The following GIT2 variants were observed in gnomAD, a reference collection of about 807,000 sequenced individuals.
The protein encoded by GIT2 is ARF GTPase-activating protein GIT2.
In GIT2, 32 loss-of-function variants were observed where a neutral mutation model predicts 100.3. The observed-to-expected ratio is 0.32, with a 90% CI of 0.24 to 0.43. GIT2 has a LOEUF of 0.43. Ranked by LOEUF, GIT2 falls within the 20% of genes least tolerant of loss-of-function variation. The probability of loss-of-function intolerance (pLI) is 1.00; values close to 1 mark genes in which losing one functional copy is unlikely to be tolerated. For missense variants in GIT2, 737 were observed against 975.1 expected, an observed-to-expected ratio of 0.76 and a Z score of 3.25; for synonymous variants, 353 against 364.1, an observed-to-expected ratio of 0.97 and a Z score of 0.35.
In GIT2 at chr12:109,933,932, C is replaced by T. The variant is rs865867657; in HGVS notation, c.2067+90G>A. On this transcript the variant is annotated intron_variant, in intron 19 of 19. Transcript: ENST00000355312. The surrounding 1 kb of genome is among the most constrained non-coding windows in gnomAD (Gnocchi z 4.5). The stretch of plus-strand genomic sequence containing the variant: ...GCATATTTTAAAACTGCATGTGCTA[C>T]AAAAAAGCTAATGTAATATATAGGT... 1.2e-6 allele frequency: 1 copy of T among 803,048 alleles called. No homozygotes were observed. Among genetic ancestry groups the T allele is most frequent in the Middle Eastern group, 2.2e-4 (1 of 4,488 alleles). 49.7% of individuals were successfully genotyped at this position (803,048 alleles called of 1,614,324 possible). A position where few individuals can be genotyped will look rare whatever the true frequency, so the allele number is the denominator to read the frequency against.
At chr12:109,964,734 C>T (rs1427544391) in intron 9 of GIT2, among the ~76,000 whole-genome samples, 2 of 151,266 alleles carry the variant, frequency 1.3e-5, no homozygotes, top group Non-Finnish European at 2.9e-5. Flanking sequence ...GATGCCCTTA[C>T]AGGTTACAAA....
intron 13 of GIT2, chr12:109,952,468 C>G (rs1878164707): frequency 1.9e-6 from 1 of 518,698 alleles, no homozygotes; most frequent in South Asian, 1.4e-5. Flanking sequence ...ATCCTGGGCT[C>G]TGCACTGCCT....
At chr12:109,960,652 A>G (rs1192512261) in intron 11 of GIT2, among the ~76,000 whole-genome samples, 1 of 152,228 alleles carries the variant, frequency 6.6e-6, no homozygotes, top group Non-Finnish European at 1.5e-5. Flanking sequence ...ATAGCTGCTA[A>G]TTATAAAGAC....
In GIT2 at chr12:109,933,518, G is replaced by A. The variant is rs1363895654; in HGVS notation, c.2068-328C>T. The stretch of plus-strand genomic sequence containing the variant: ...AATTTTAAAATGTGCCTTTTAGCAC[G>A]ACTTGTATATCCTTGTCTTATTAAA... On this transcript the variant is annotated intron_variant, in intron 19 of 19. Coordinates refer to ENST00000355312, the MANE Select transcript of GIT2 (RefSeq NM_057169.5). This position sits in a 1 kb window ranked among gnomAD's most constrained non-coding sequence, Gnocchi z 4.5. The A allele has an allele frequency of 1.1e-5, 3 of 267,190 alleles. No individual in the cohort carries two copies. Among genetic ancestry groups the A allele is most frequent in the East Asian group, 7.9e-5 (1 of 12,722 alleles). The allele number at this position is 267,190 out of a possible 1,614,324, so 16.6% of individuals were successfully genotyped here. A position where few individuals can be genotyped will look rare whatever the true frequency, so the allele number is the denominator to read the frequency against.
intron 7 of GIT2, among the ~76,000 whole-genome samples, chr12:109,978,539 A>C (rs1593112446): frequency 6.6e-6 from 1 of 151,504 alleles, no homozygotes. Flanking sequence ...TTTTCTTCCT[A>C]CTCTTTTTTC....
chr12:109,987,543 T>C (rs934562130), intron 4 of GIT2, among the ~76,000 whole-genome samples: 9 of 152,048 alleles, frequency 5.9e-5, no homozygotes, highest in African/African-American at 2.2e-4. Context: ...CTCAGCTCAC[T>C]GCAACCTCCA....
At chr12:109,955,462 G>A (rs1191785084) in intron 12 of GIT2, among the ~76,000 whole-genome samples, 1 of 152,026 alleles carries the variant, frequency 6.6e-6, no homozygotes, top group Admixed American at 6.6e-5. Flanking sequence ...GCTGTGACTT[G>A]GCCAATATTA....
In GIT2 at chr12:109,929,897, T is replaced by G. The variant is rs965090598; in HGVS notation, c.*3081A>C. ...GGGCACAATAATTACAGGAATAGAA[T>G]GTACAATAAAAAGTACAGAATAATG... On this transcript the variant is annotated 3_prime_UTR_variant, in exon 20 of 20. Coordinates refer to ENST00000355312, the MANE Select transcript of GIT2 (RefSeq NM_057169.5). 6.6e-6 allele frequency: 1 copy of G among 152,632 alleles called. No homozygotes were observed. The highest frequency in any genetic ancestry group is 1.5e-5 in the Non-Finnish European group (1 of 68,034). The allele number at this position is 152,632 out of a possible 1,614,324, so 9.5% of individuals were successfully genotyped here.
At position 109,932,937 on chromosome 12, in the gene GIT2, T is replaced by C. The variant is rs775879536; in HGVS notation, c.*41A>G. The C allele has an allele frequency of 1.9e-5, 22 of 1,146,792 alleles. No homozygotes were observed. In the African/African-American group the frequency reaches 2.7e-4, roughly 14 times the overall value. 71.0% of individuals were successfully genotyped at this position (1,146,792 alleles called of 1,614,324 possible). ...TGCGTCTGAATTTGAAATTGGACTTTATAAAGCCTAGAAAACAGAGGAGGC... is the reference window on the plus strand; with the variant it reads ...TGCGTCTGAATTTGAAATTGGACTTCATAAAGCCTAGAAAACAGAGGAGGC... On this transcript the variant is annotated 3_prime_UTR_variant, in exon 20 of 20. Transcript: ENST00000355312.
At position 109,951,263 on chromosome 12, in the gene GIT2, C is replaced by T; in HGVS notation, c.1296G>A (p.Glu432=). Reference sequence around the variant, plus strand: ...CAGAAGCCACTAGAGCGTTTTTGACCTCCATAAATTCCTGTACAGTGACTG... The same window carrying T: ...CAGAAGCCACTAGAGCGTTTTTGACTTCCATAAATTCCTGTACAGTGACTG... The part of the protein sequence containing the change: ...DGPVTVQEFM[E]VKNALVASEA... The change falls in exon 14 of 20, where the codon GAG becomes GAA. Residue 432 remains glutamate, a synonymous_variant. Transcript: ENST00000355312. 6.2e-7 allele frequency: 1 copy of T among 1,611,350 alleles called. No individual in the cohort carries two copies. Among genetic ancestry groups the T allele is most frequent in the Non-Finnish European group, 8.5e-7 (1 of 1,177,480 alleles).
At chr12:109,944,233 G>A (rs1293808286) in intron 16 of GIT2, among the ~76,000 whole-genome samples, 1 of 152,204 alleles carries the variant, frequency 6.6e-6, no homozygotes, top group Non-Finnish European at 1.5e-5. Flanking sequence ...TAATCCATAT[G>A]CCACTGGAAC....
chr12:109,953,989 G>A (rs928172042), intron 12 of GIT2: 1 of 152,218 alleles, frequency 6.6e-6, no homozygotes, highest in African/African-American at 2.4e-5. Flanking sequence ...TTGTTAAACT[G>A]GAGCCAGAAC....
chr12:109,991,754 G>A lies in GIT2; in HGVS notation c.59C>T (p.Ser20Phe). The change falls in exon 2 of 20, where the codon TCC becomes TTC. Residue 20 changes from serine to phenylalanine, a missense_variant. Ser to Phe is a radical substitution (Grantham distance 155). Coordinates refer to ENST00000355312, the MANE Select transcript of GIT2 (RefSeq NM_057169.5). ...CGTTCCCCTATTTACTGATGCCCAG[G>A]AAGGATCTGGAAAGAGAGTGAAATC... is the stretch of plus-strand genomic sequence containing the variant. ...VCADCSGPDP[S>F]WASVNRGTFL... is the part of the protein sequence containing the mutation. 2.5e-6 allele frequency: 4 copies of A among 1,612,244 alleles called. No homozygotes were observed. Among genetic ancestry groups the A allele is most frequent in the Non-Finnish European group, 3.4e-6 (4 of 1,178,992 alleles).
chr12:109,947,532 G>GT lies in GIT2; in HGVS notation c.1393-29dup. The GT allele has an allele frequency of 6.3e-7, 1 of 1,599,494 alleles. No individual in the cohort carries two copies. Among genetic ancestry groups the GT allele is most frequent in the East Asian group, 2.2e-5 (1 of 44,624 alleles). On this transcript the variant is annotated intron_variant, in intron 14 of 19. Transcript: ENST00000355312. The surrounding 1 kb of genome is among the most constrained non-coding windows in gnomAD (Gnocchi z 4.3). ...GAAAGAAATGTTTGGCAGTGGGACT[G>GT]TGTTTTTTTACAGCAAGCAGAAAAA...
intron 4 of GIT2, among the ~76,000 whole-genome samples, chr12:109,988,029 T>A (rs949906846): frequency 6.6e-6 from 1 of 152,210 alleles, no homozygotes; most frequent in African/African-American, 2.4e-5. Context: ...CCCCTTCCTT[T>A]AGTACTTTTT....
chr12:109,999,571 G>A, upstream of GIT2: 1 of 749,724 alleles, frequency 1.3e-6, no homozygotes, highest in Non-Finnish European at 1.9e-6. The surrounding 1 kb of genome is among the most constrained non-coding windows in gnomAD (Gnocchi z 4.3). Context: ...GGCCGGCAGC[G>A]TAACACGCCC....
intron 1 of GIT2, among the ~76,000 whole-genome samples, chr12:109,992,790 G>A (rs1391839667): frequency 2.0e-5 from 3 of 152,102 alleles, no homozygotes; most frequent in Non-Finnish European, 4.4e-5. Flanking sequence ...TCCTGCCTCA[G>A]CCTCCCGAGT....
At chr12:109,997,854 G>GA (rs1889669560), upstream of GIT2, 1 of 152,230 alleles carries the variant, frequency 6.6e-6, no homozygotes, top group South Asian at 2.1e-4. Context: ...TAAACACAAT[G>GA]AAATGAGGTA....
chr12:109,933,561 C>G lies in GIT2; in HGVS notation c.2068-371G>C, dbSNP rs1872113285. ...TTATTAAATCAACATTCATGCAGAA[C>G]AAAAATATTTCAAAGCTCTATACGA... On this transcript the variant is annotated intron_variant, in intron 19 of 19. Coordinates refer to ENST00000355312, the MANE Select transcript of GIT2 (RefSeq NM_057169.5). The surrounding 1 kb of genome is among the most constrained non-coding windows in gnomAD (Gnocchi z 4.5). 1 of 219,064 alleles carries G rather than the reference C, an allele frequency of 4.6e-6. No homozygotes were observed. Among genetic ancestry groups the G allele is most frequent in the Non-Finnish European group, 9.1e-6 (1 of 109,686 alleles). The allele number at this position is 219,064 out of a possible 1,614,324, so 13.6% of individuals were successfully genotyped here. A position where few individuals can be genotyped will look rare whatever the true frequency, so the allele number is the denominator to read the frequency against.
Sources: allele counts gnomAD v4.1 joint callset (sites outside exome capture counted in the v4.1 genomes callset), GRCh38; gene constraint gnomAD v4.1.1; non-coding constraint Gnocchi (gnomAD v3.1); transcripts MANE v1.5; gene names NCBI Gene and HGNC (gene_info 2026-07-23, HGNC 2026-07-21).